PRR16: variants seen among roughly 807,000 people sequenced by gnomAD.
The protein encoded by PRR16 is proline rich 16.
PRR16 carries 6 observed loss-of-function variants against 18.2 expected under a neutral mutation model. The ratio of observed to expected loss-of-function variants is 0.33; its 90% confidence interval spans 0.18 to 0.65. The LOEUF (loss-of-function observed/expected upper bound fraction) is 0.65, where lower values mean the gene tolerates loss of function less well. Among genes scored for constraint, PRR16 ranks in the 30% least tolerant of loss-of-function variants. The pLI, the probability that PRR16 is intolerant of heterozygous loss-of-function variation, is 0.74. For synonymous variants in PRR16, 151 were observed against 147.8 expected (o/e 1.02, Z -0.16); for missense variants, 412 against 376.6 (o/e 1.09, Z -0.78).
chr5:120,575,503 A>C (rs1277680389), intron 1 of PRR16, among the ~76,000 whole-genome samples: 1 of 152,198 alleles, frequency 6.6e-6, no homozygotes, highest in East Asian at 1.9e-4. Context: ...TTTATTCAGC[A>C]TACTCAAACC....
intron 1 of PRR16, among the ~76,000 whole-genome samples, chr5:120,598,870 A>G (rs910144001): frequency 6.6e-6 from 1 of 151,856 alleles, no homozygotes; most frequent in African/African-American, 2.4e-5. Context: ...CTTTAAAATC[A>G]ATTTAATTTG....
intron 1 of PRR16, among the ~76,000 whole-genome samples, chr5:120,576,198 A>T (rs1012695877): frequency 3.9e-5 from 6 of 152,170 alleles, no homozygotes; most frequent in African/African-American, 1.4e-4. Flanking sequence ...AAAGAAAACA[A>T]TCATCGGAGT....
chr5:120,696,196 C>G, the PRR16 span, among the ~76,000 whole-genome samples: 12 of 152,166 alleles, frequency 7.9e-5, no homozygotes, highest in East Asian at 2.3e-3. Context: ...GAGCTGAGAT[C>G]GTGCCACTGC....
At position 120,543,320 on chromosome 5, in the gene PRR16, A is replaced by G. The variant is rs183155607; in HGVS notation, c.159+78675A>G. Among the ~76,000 whole-genome samples the G allele has an allele frequency of 1.7e-3, 264 of 152,230 alleles. 1 individual carries two copies. Among genetic ancestry groups the G allele is most frequent in the African/African-American group, 6.0e-3 (251 of 41,558 alleles). ...CAAGAGTGTGGCATTTGGTGAGCAT[A>G]TCGTGGGGTTATTTTCTTCCTTAAC... is the stretch of plus-strand genomic sequence containing the variant. On this transcript the variant is annotated intron_variant, in intron 1 of 1. Coordinates refer to ENST00000407149, the MANE Select transcript of PRR16 (RefSeq NM_001300783.2).
intron 1 of PRR16, among the ~76,000 whole-genome samples, chr5:120,623,584 T>C (rs1237366223): frequency 1.3e-5 from 2 of 152,182 alleles, no homozygotes; most frequent in East Asian, 1.9e-4. Context: ...TGTTAGCTAA[T>C]ATAGTATTAC....
At chr5:120,594,210 C>A (rs866628739) in intron 1 of PRR16, among the ~76,000 whole-genome samples, 33 of 152,116 alleles carry the variant, frequency 2.2e-4, no homozygotes, top group Non-Finnish European at 1.2e-4. Flanking sequence ...GGAAGTCAAA[C>A]TATCCCTATT....
intron 1 of PRR16, among the ~76,000 whole-genome samples, chr5:120,482,961 G>A (rs1749668266): frequency 6.6e-6 from 1 of 152,144 alleles, no homozygotes; most frequent in Admixed American, 6.6e-5. Flanking sequence ...CTCCCTTTGT[G>A]TCACTTTCAT....
At chr5:120,526,462 A>C (rs1264534250) in intron 1 of PRR16, among the ~76,000 whole-genome samples, 1 of 152,024 alleles carries the variant, frequency 6.6e-6, no homozygotes, top group African/African-American at 2.4e-5. Flanking sequence ...TTTTCCCCTC[A>C]GGCAACAAAT....
intron 1 of PRR16, among the ~76,000 whole-genome samples, chr5:120,512,847 C>A (rs1273948791): frequency 6.6e-6 from 1 of 151,928 alleles, no homozygotes; most frequent in African/African-American, 2.4e-5. Context: ...GGAGCGCAGG[C>A]GTGTTCAAAA....
chr5:120,732,374 A>G, the PRR16 span, among the ~76,000 whole-genome samples: 7,958 of 152,156 alleles, frequency 0.052, 272 homozygotes, highest in South Asian at 0.082. Context: ...GGGAGTGGGT[A>G]TGGATGCTGG....
chr5:120,742,550 A>G, the PRR16 span, among the ~76,000 whole-genome samples: 2 of 151,492 alleles, frequency 1.3e-5, no homozygotes, highest in East Asian at 1.9e-4. Flanking sequence ...CTTAATTTTA[A>G]TTTCACAAAA....
intron 1 of PRR16, among the ~76,000 whole-genome samples, chr5:120,544,680 A>G (rs1483952973): frequency 6.6e-6 from 1 of 152,050 alleles, no homozygotes; most frequent in Non-Finnish European, 1.5e-5. Context: ...ACTCACATTC[A>G]TAAAGTCATT....
chr5:120,524,672 A>C (rs2112657565), intron 1 of PRR16, among the ~76,000 whole-genome samples: 1 of 152,198 alleles, frequency 6.6e-6, no homozygotes, highest in East Asian at 1.9e-4. Flanking sequence ...TAAATACCTA[A>C]AAGAGTATAA....
intron 1 of PRR16, among the ~76,000 whole-genome samples, chr5:120,502,338 A>G (rs1452169380): frequency 2.0e-5 from 3 of 148,032 alleles, no homozygotes; most frequent in African/African-American, 7.5e-5. Flanking sequence ...AAGAACCCCA[A>G]TAAATATTAT....
chr5:120,489,807 T>C (rs534086815), intron 1 of PRR16, among the ~76,000 whole-genome samples: 10 of 152,314 alleles, frequency 6.6e-5, no homozygotes, highest in Non-Finnish European at 1.5e-4. Flanking sequence ...TTCCTTTCCA[T>C]GTTTAGTGCT....
intron 1 of PRR16, among the ~76,000 whole-genome samples, chr5:120,546,076 T>C (rs1222796559): frequency 7.9e-5 from 12 of 152,018 alleles, no homozygotes; most frequent in Admixed American, 7.9e-4. Context: ...AGGGTATTTT[T>C]ATCACTTTCA....
intron 1 of PRR16, among the ~76,000 whole-genome samples, chr5:120,521,557 T>A (rs1751181107): frequency 6.6e-6 from 1 of 152,146 alleles, no homozygotes; most frequent in African/African-American, 2.4e-5. Flanking sequence ...GGGTACAGTG[T>A]GATGTTTCAA....
At chr5:120,586,831 C>A (rs932082767) in intron 1 of PRR16, among the ~76,000 whole-genome samples, 4 of 152,140 alleles carry the variant, frequency 2.6e-5, no homozygotes, top group Non-Finnish European at 5.9e-5. Flanking sequence ...AGTCCCACAT[C>A]TCTCCTTTCA....
intron 1 of PRR16, among the ~76,000 whole-genome samples, chr5:120,645,745 C>T (rs947127952): frequency 2.6e-5 from 4 of 151,910 alleles, no homozygotes; most frequent in African/African-American, 4.8e-5. Context: ...TTTGTTGCTC[C>T]GTCATGTCAT....
Sources: gnomAD v4.1 joint callset for allele counts (sites outside exome capture counted in the v4.1 genomes callset) on GRCh38, gnomAD v4.1.1 for gene constraint, MANE v1.5 for transcripts, NCBI Gene and HGNC (gene_info 2026-07-23, HGNC 2026-07-21) for gene names.